Variants in LYSMD4 observed in about 807,000 individuals in gnomAD.
LYSMD4 encodes lysM and putative peptidoglycan-binding domain-containing protein 4.
In LYSMD4, 9 loss-of-function variants were observed where a neutral mutation model predicts 6.1. The ratio of observed to expected loss-of-function variants is 1.47; its 90% CI spans 0.88 to 2.56. LYSMD4 has a LOEUF of 2.56. Ranked by LOEUF, LYSMD4 falls within the 30% of genes most tolerant of loss-of-function variation. The pLI, the probability that LYSMD4 is intolerant of heterozygous loss-of-function variation, is 0.00. For missense variants in LYSMD4, 384 were observed against 373.5 expected (o/e 1.03, Z -0.23); for synonymous variants, 143 against 148.5 (o/e 0.96, Z 0.27).
upstream of LYSMD4, among the ~76,000 whole-genome samples, chr15:99,721,425 G>A (rs1001999918): frequency 1.3e-5 from 2 of 152,164 alleles, no homozygotes; most frequent in Non-Finnish European, 2.9e-5. Flanking sequence ...CTACTCAGCT[G>A]AGCTAAGACT....
chr15:99,726,228 C>T (rs1292143900), downstream of LYSMD4, among the ~76,000 whole-genome samples: 1 of 149,644 alleles, frequency 6.7e-6, no homozygotes, highest in African/African-American at 2.5e-5. Flanking sequence ...ACTGCAACCT[C>T]TGCCTCCTGG....
At chr15:99,730,567 A>T (rs7402437) in intron 2 of LYSMD4, among the ~76,000 whole-genome samples, 143,227 of 152,308 alleles carry the variant, frequency 0.94, 67,705 homozygotes, top group Non-Finnish European at 0.99. Flanking sequence ...ACAGATCTCA[A>T]TCAAATCAAT....
chr15:99,722,898 G>A (rs2059247938), downstream of LYSMD4, among the ~76,000 whole-genome samples: 1 of 152,078 alleles, frequency 6.6e-6, no homozygotes, highest in South Asian at 2.1e-4. Context: ...AGGCATGCTG[G>A]TGCACGCCTG....
chr15:99,729,665 TA>T lies in LYSMD4; in HGVS notation c.348del (p.Lys117ArgfsTer4). The T allele has an allele frequency of 1.9e-6, 3 of 1,614,014 alleles. No homozygotes were observed. The highest frequency in any genetic ancestry group is 1.7e-6 in the Non-Finnish European group (2 of 1,179,958). ...ATCCCATGGTTTCTCACTGGAATCT[TA>T]ACAGATTTCAAAGCATATAAGTCTT... ...REQDLYALKS[V>X]KIPVRNHGIL... On this transcript the variant is annotated frameshift_variant, in exon 3 of 3. Transcript: ENST00000684762. LOFTEE classifies it low-confidence loss of function (END_TRUNC).
chr15:99,731,397 C>A, intron 2 of LYSMD4: 1 of 1,612,988 alleles, frequency 6.2e-7, no homozygotes. Context: ...GTATCTCCAG[C>A]CCCATTAGGT....
In LYSMD4 at chr15:99,729,128, T is replaced by TC; in HGVS notation, c.885dup (p.Ser296GlufsTer9). On this transcript the variant is annotated frameshift_variant, in exon 3 of 3. Coordinates refer to ENST00000684762, the MANE Select transcript of LYSMD4 (RefSeq NM_001284417.2). LOFTEE classifies it high-confidence loss of function. ...CTAGTCTTTAAAAACAAAGCTTAGC[T>TC]CCCCGCTTGGGTGGTCTGACTGAAC... 1 of 1,612,108 alleles carries TC rather than the reference T, an allele frequency of 6.2e-7. No individual in the cohort carries two copies. Among genetic ancestry groups the TC allele is most frequent in the Non-Finnish European group, 8.5e-7 (1 of 1,178,282 alleles).
chr15:99,729,327 A>G lies in LYSMD4; in HGVS notation c.687T>C (p.Gly229=). ...CCAAATAAAAGACAGGCAAGACAATACCAATCAGCAGCATGATGAAAACAG... is the reference window on the plus strand; with the variant it reads ...CCAAATAAAAGACAGGCAAGACAATGCCAATCAGCAGCATGATGAAAACAG... ...WNAVFIMLLI[G]IVLPVFYLVY... Residue 229 remains glycine, a synonymous_variant, in exon 3 of 3, where the codon GGT becomes GGC. Coordinates refer to ENST00000684762, the MANE Select transcript of LYSMD4 (RefSeq NM_001284417.2). The G allele has an allele frequency of 6.2e-7, 1 of 1,614,226 alleles. No individual in the cohort carries two copies. The highest frequency in any genetic ancestry group is 8.5e-7 in the Non-Finnish European group (1 of 1,180,036).
At position 99,729,695 on chromosome 15, in the gene LYSMD4, C is replaced by A; in HGVS notation, c.319G>T (p.Glu107Ter). 6.2e-7 allele frequency: 1 copy of A among 1,612,704 alleles called. No homozygotes were observed. The highest frequency in any genetic ancestry group is 1.1e-5 in the South Asian group (1 of 91,038). ...DIKKVNNFIR[E>*]QDLYALKSVK... ...GATTTCAAAGCATATAAGTCTTGTT[C>A]TCTGATGAAGTTGTTGACTTTCTTG... The change falls in exon 3 of 3, where the codon GAA becomes TAA. Residue 107 changes from glutamate to a stop codon, truncating the protein, a stop_gained. Coordinates refer to ENST00000684762, the MANE Select transcript of LYSMD4 (RefSeq NM_001284417.2). LOFTEE classifies it low-confidence loss of function (END_TRUNC).
At chr15:99,717,507 T>TACA (rs1488881563) in exon 1 of LYSMD4, 1 of 43,994 alleles carries the variant, frequency 2.3e-5, no homozygotes, top group African/African-American at 8.0e-5. Context: ...GCCAGGAGGT[T>TACA]TCAGACGTTC....
At chr15:99,722,616 G>A (rs1160286470), downstream of LYSMD4, among the ~76,000 whole-genome samples, 2 of 152,222 alleles carry the variant, frequency 1.3e-5, no homozygotes, top group African/African-American at 2.4e-5. Context: ...GGAATTAGCA[G>A]ATAAGGATGT....
Position 99,733,370 on chromosome 15 carries a change from C to CGGCGACCGGCGACT in LYSMD4, c.-48_-35dup, listed in dbSNP as rs1389091982. On this transcript the variant is annotated 5_prime_UTR_variant, in exon 1 of 3. Coordinates refer to ENST00000684762, the MANE Select transcript of LYSMD4 (RefSeq NM_001284417.2). ...CTCAGCGCCCAGGCTCCGCCGCGACCGGCGACCGGCGACTCGCGACCCGCG... is the reference window on the plus strand; with the variant it reads ...CTCAGCGCCCAGGCTCCGCCGCGACCGGCGACCGGCGACTGGCGACCGGCGACTCGCGACCCGCG... The CGGCGACCGGCGACT allele has an allele frequency of 1.0e-5, 4 of 395,072 alleles. No individual in the cohort carries two copies. Among genetic ancestry groups the CGGCGACCGGCGACT allele is most frequent in the African/African-American group, 6.2e-5 (3 of 48,494 alleles). 24.5% of individuals were successfully genotyped at this position (395,072 alleles called of 1,614,324 possible).
chr15:99,723,122 C>G (rs1310778497), downstream of LYSMD4, among the ~76,000 whole-genome samples: 1 of 151,200 alleles, frequency 6.6e-6, no homozygotes, highest in African/African-American at 2.4e-5. Context: ...AGAAACTATC[C>G]AAAATAAAAC....
downstream of LYSMD4, among the ~76,000 whole-genome samples, chr15:99,726,741 G>A (rs2059286515): frequency 6.6e-6 from 1 of 152,182 alleles, no homozygotes; most frequent in Admixed American, 6.5e-5. Context: ...CAACCAAAAA[G>A]ACTGGAGACT....
chr15:99,726,154 T>TTTG (rs1280350578), downstream of LYSMD4, among the ~76,000 whole-genome samples: 1 of 134,832 alleles, frequency 7.4e-6, no homozygotes, highest in East Asian at 2.1e-4. Context: ...TGGTTTTTTT[T>TTTG]TTTTTTTTTT....
chr15:99,733,009 C>A, intron 1 of LYSMD4: 1 of 229,746 alleles, frequency 4.4e-6, no homozygotes. Context: ...GCTCCAGGCC[C>A]GCTTCCCTCC....
At chr15:99,725,779 T>C (rs765139366), downstream of LYSMD4, among the ~76,000 whole-genome samples, 1 of 152,144 alleles carries the variant, frequency 6.6e-6, no homozygotes, top group African/African-American at 2.4e-5. Context: ...CCATGTTCTG[T>C]GAGCCTGGAT....
rs540103238 is a variant in LYSMD4 at position 99,728,916 on chromosome 15, G to A, written c.*207C>T. 173 of 654,506 alleles carry A rather than the reference G, an allele frequency of 2.6e-4. No homozygotes were observed. Among genetic ancestry groups the A allele is most frequent in the African/African-American group, 2.0e-3 (111 of 55,092 alleles). The allele number at this position is 654,506 out of a possible 1,614,324, so 40.5% of individuals were successfully genotyped here. A position where few individuals can be genotyped will look rare whatever the true frequency, so the allele number is the denominator to read the frequency against. ...TGCTGCACCTCTCTGGATAGGGGCC[G>A]AGGTCGCTGCTGTTTTAGATCCTGC... is the stretch of plus-strand genomic sequence containing the variant. On this transcript the variant is annotated 3_prime_UTR_variant, in exon 3 of 3. Transcript: ENST00000684762.
At chr15:99,732,834 C>T (rs1183743447) in intron 1 of LYSMD4, 2 of 152,762 alleles carry the variant, frequency 1.3e-5, no homozygotes, top group African/African-American at 4.8e-5. Context: ...CCGCCCACGC[C>T]TTCGAGGGTC....
In LYSMD4 at chr15:99,733,407, G is replaced by A. The variant is rs959334017; in HGVS notation, c.-71C>T. 7 of 395,322 alleles carry A rather than the reference G, an allele frequency of 1.8e-5. No homozygotes were observed. The highest frequency in any genetic ancestry group is 1.3e-5 in the Non-Finnish European group (3 of 224,046). The allele number at this position is 395,322 out of a possible 1,614,324, so 24.5% of individuals were successfully genotyped here. On this transcript the variant is annotated 5_prime_UTR_variant, in exon 1 of 3. Transcript: ENST00000684762. The stretch of plus-strand genomic sequence containing the variant: ...ACTCGCGACCCGCGACCCGCGACCC[G>A]CAGCTGCCACCGCGCCTGCGGATTG...
Sources: allele counts gnomAD v4.1 joint callset (sites outside exome capture counted in the v4.1 genomes callset), GRCh38; gene constraint gnomAD v4.1.1; transcripts MANE v1.5; gene names NCBI Gene and HGNC (gene_info 2026-07-23, HGNC 2026-07-21).